DYNC1H1: variants seen among roughly 807,000 people sequenced by gnomAD.
DYNC1H1 encodes dynein cytoplasmic 1 heavy chain 1, also known as cytoplasmic dynein 1 heavy chain 1.
Under a neutral mutation model 527.1 loss-of-function variants are expected in DYNC1H1, and 51 were observed. The observed-to-expected ratio is 0.10, with a 90% CI of 0.08 to 0.12. DYNC1H1 has a LOEUF of 0.12. Ranked by LOEUF, DYNC1H1 falls within the 10% of genes least tolerant of loss-of-function variation. The pLI, the probability that DYNC1H1 is intolerant of heterozygous loss-of-function variation, is 1.00. For synonymous variants in DYNC1H1, 2,189 were observed against 2,278.8 expected (o/e 0.96, Z 1.12); for missense variants, 2,771 against 5,971.8 (o/e 0.46, Z 17.66).
intron 1 of DYNC1H1, among the ~76,000 whole-genome samples, chr14:101,966,791 C>T (rs1270974697): frequency 6.6e-6 from 1 of 151,834 alleles, no homozygotes; most frequent in African/African-American, 2.4e-5. Context: ...TCGCTTTTTC[C>T]AGGCATCTTA....
At chr14:101,971,679 T>C (rs748494772) in intron 1 of DYNC1H1, among the ~76,000 whole-genome samples, 3 of 152,136 alleles carry the variant, frequency 2.0e-5, no homozygotes, top group Non-Finnish European at 4.4e-5. Flanking sequence ...TGAGCTGTGA[T>C]TGCACCACTG....
chr14:102,048,383 C>T, intron 73 of DYNC1H1, 133 bp from the exon 74 acceptor site: 1 of 1,275,182 alleles, frequency 7.8e-7, no homozygotes, highest in Non-Finnish European at 1.1e-6. Context: ...CACGCTCTGC[C>T]AAAGCTGTCC....
Position 102,027,095 on chromosome 14 carries a change from C to T in DYNC1H1, c.8772-79C>T. 1 of 1,439,172 alleles carries T rather than the reference C, an allele frequency of 6.9e-7. No individual in the cohort carries two copies. The highest frequency in any genetic ancestry group is 9.8e-7 in the Non-Finnish European group (1 of 1,021,362). 89.2% of individuals were successfully genotyped at this position (1,439,172 alleles called of 1,614,324 possible). A position where few individuals can be genotyped will look rare whatever the true frequency, so the allele number is the denominator to read the frequency against. ...TTCAAGTTAAAACATGTCCAAAATACTGTAGACACTAGATATGAGTCAAAA... is the reference window on the plus strand; with the variant it reads ...TTCAAGTTAAAACATGTCCAAAATATTGTAGACACTAGATATGAGTCAAAA... On this transcript the variant is annotated intron_variant, in intron 44 of 77. Coordinates refer to ENST00000360184, the MANE Select transcript of DYNC1H1 (RefSeq NM_001376.5). This position sits in a 1 kb window ranked among gnomAD's most constrained non-coding sequence, Gnocchi z 7.7.
chr14:102,005,273 A>T lies in DYNC1H1; in HGVS notation c.5433+37A>T, dbSNP rs767618015. On this transcript the variant is annotated intron_variant, in intron 26 of 77. Transcript: ENST00000360184. This position sits in a 1 kb window ranked among gnomAD's most constrained non-coding sequence, Gnocchi z 4.0. ...ACCTGACTCCTTCCTTACCAGTTAGACTCTTACACCCTCAACCACACAGTT... is the reference window on the plus strand; with the variant it reads ...ACCTGACTCCTTCCTTACCAGTTAGTCTCTTACACCCTCAACCACACAGTT... 1 of 1,611,674 alleles carries T rather than the reference A, an allele frequency of 6.2e-7. No homozygotes were observed. Among genetic ancestry groups the T allele is most frequent in the South Asian group, 1.1e-5 (1 of 91,034 alleles).
chr14:101,964,593 A>G lies in DYNC1H1; in HGVS notation c.-99A>G. 1 of 1,525,472 alleles carries G rather than the reference A, an allele frequency of 6.6e-7. No homozygotes were observed. The highest frequency in any genetic ancestry group is 1.2e-5 in the South Asian group (1 of 83,092). 94.5% of individuals were successfully genotyped at this position (1,525,472 alleles called of 1,614,324 possible). ...TCCTCAGTCTGCGGTGGGCTAGCGG[A>G]CGGTCCGGCTTCCGGCGGCCGTTTC... On this transcript the variant is annotated 5_prime_UTR_variant, in exon 1 of 78. Coordinates refer to ENST00000360184, the MANE Select transcript of DYNC1H1 (RefSeq NM_001376.5). This position sits in a 1 kb window ranked among gnomAD's most constrained non-coding sequence, Gnocchi z 5.5.
At position 102,017,428 on chromosome 14, in the gene DYNC1H1, G is replaced by T. The variant is rs776652737; in HGVS notation, c.8101G>T (p.Val2701Leu). 6.2e-7 allele frequency: 1 copy of T among 1,614,166 alleles called. No homozygotes were observed. The highest frequency in any genetic ancestry group is 8.5e-7 in the Non-Finnish European group (1 of 1,180,030). The change falls in exon 40 of 78, where the codon GTG (valine) becomes TTG (leucine). Residue 2701 changes from valine (V) to leucine (L), a missense_variant. Coordinates refer to ENST00000360184, the MANE Select transcript of DYNC1H1 (RefSeq NM_001376.5). The surrounding 1 kb of genome is among the most constrained non-coding windows in gnomAD (Gnocchi z 4.6). Reference sequence around the variant, plus strand: ...TTACCGTACCTCAGATCAAACATGGGTGAAGCTGGAGAGAATCCAGTTTGT... The same window carrying T: ...TTACCGTACCTCAGATCAAACATGGTTGAAGCTGGAGAGAATCCAGTTTGT... ...GFYRTSDQTW[V>L]KLERIQFVGA...
rs370625764 is a variant in DYNC1H1, at chr14:102,016,480, C to T, written c.7605C>T (p.Ile2535=). 1.4e-5 allele frequency: 23 copies of T among 1,613,996 alleles called. No individual in the cohort carries two copies. Among genetic ancestry groups the T allele is most frequent in the South Asian group, 1.3e-4 (12 of 91,078 alleles). ...PLPTAPNIPI[I]DYEVSISGEW... ...CCACTGCGCCCAACATACCCATTAT[C>T]GATTATGAGGTGAGCATGCAGCTAC... Residue 2535 remains isoleucine (I), a synonymous_variant, in exon 37 of 78, where the codon ATC becomes ATT. Coordinates refer to ENST00000360184, the MANE Select transcript of DYNC1H1 (RefSeq NM_001376.5). The surrounding 1 kb of genome is among the most constrained non-coding windows in gnomAD (Gnocchi z 7.3).
Position 102,029,597 on chromosome 14 carries a change from A to G in DYNC1H1, c.9527A>G (p.Tyr3176Cys). 6.2e-7 allele frequency: 1 copy of G among 1,614,190 alleles called. No individual in the cohort carries two copies. Among genetic ancestry groups the G allele is most frequent in the Non-Finnish European group, 8.5e-7 (1 of 1,180,040 alleles). Residue 3176 changes from tyrosine to cysteine, a missense_variant, in exon 49 of 78, where the codon TAC becomes TGC. Transcript: ENST00000360184. The surrounding 1 kb of genome is among the most constrained non-coding windows in gnomAD (Gnocchi z 5.3). ...GRTMAITPRH[Y>C]LDFINHYANL... is the part of the protein sequence containing the mutation. ...ACGATGGCCATCACCCCTCGCCACT[A>G]CCTGGACTTCATCAATCACTATGCC...
chr14:101,987,192 A>AGGAAGTAACACAGAGCACGTTTACTTCC (rs1488986537), intron 8 of DYNC1H1, among the ~76,000 whole-genome samples: 1 of 152,194 alleles, frequency 6.6e-6, no homozygotes, highest in Non-Finnish European at 1.5e-5. Flanking sequence ...CTTCTCCCAG[A>AGGAAGTAACACAGAGCACGTTTACTTCC]TTTACCCATC....
At chr14:101,971,068 G>A (rs2047732174) in intron 1 of DYNC1H1, among the ~76,000 whole-genome samples, 1 of 148,718 alleles carries the variant, frequency 6.7e-6, no homozygotes, top group Admixed American at 6.7e-5. Context: ...GTCTACTCAG[G>A]AGAGGGCCGT....
intron 56 of DYNC1H1, 40 bp downstream of exon 56, chr14:102,034,492 TGG>T: frequency 6.2e-7 from 1 of 1,611,964 alleles, no homozygotes; most frequent in Non-Finnish European, 8.5e-7. Flanking sequence ...GGGAGGAATG[TGG>T]GTGGTGATCT....
rs527503979 is a variant in DYNC1H1 at position 102,001,817 on chromosome 14, G to C, written c.4542+136G>C. The C allele has an allele frequency of 4.6e-5, 58 of 1,256,038 alleles. No homozygotes were observed. The African/African-American group carries it at 5.8e-4, about 13-fold the overall frequency. The allele number at this position is 1,256,038 out of a possible 1,614,324, so 77.8% of individuals were successfully genotyped here. Reference sequence around the variant, plus strand: ...GACAGGGTCTCACTCTGTCTCCCACGCTGGAGTGCAGTGGCACCATCACAG... The same window carrying C: ...GACAGGGTCTCACTCTGTCTCCCACCCTGGAGTGCAGTGGCACCATCACAG... On this transcript the variant is annotated intron_variant, in intron 21 of 77. Transcript: ENST00000360184. The surrounding 1 kb of genome is among the most constrained non-coding windows in gnomAD (Gnocchi z 5.0).
At position 101,964,582 on chromosome 14, in the gene DYNC1H1, T is replaced by C; in HGVS notation, c.-110T>C. 1 of 1,519,810 alleles carries C rather than the reference T, an allele frequency of 6.6e-7. No individual in the cohort carries two copies. Among genetic ancestry groups the C allele is most frequent in the East Asian group, 2.5e-5 (1 of 40,346 alleles). The allele number at this position is 1,519,810 out of a possible 1,614,324, so 94.1% of individuals were successfully genotyped here. ...GGCTCCCGCTCTCCTCAGTCTGCGGTGGGCTAGCGGACGGTCCGGCTTCCG... is the reference window on the plus strand; with the variant it reads ...GGCTCCCGCTCTCCTCAGTCTGCGGCGGGCTAGCGGACGGTCCGGCTTCCG... On this transcript the variant is annotated 5_prime_UTR_variant, in exon 1 of 78. Transcript: ENST00000360184. The surrounding 1 kb of genome is among the most constrained non-coding windows in gnomAD (Gnocchi z 5.5).
chr14:102,035,177 C>G (rs2048558845), intron 56 of DYNC1H1: 1 of 153,858 alleles, frequency 6.5e-6, no homozygotes. Context: ...TTGCAGCAAG[C>G]CAAGATGGTG....
At chr14:102,043,603 G>T (rs1389536920) in intron 69 of DYNC1H1, 2 of 502,700 alleles carry the variant, frequency 4.0e-6, no homozygotes, top group Non-Finnish European at 7.2e-6. Flanking sequence ...GTTCTATTTT[G>T]TGCCACATTC....
Position 102,001,711 on chromosome 14 carries a change from C to A in DYNC1H1, c.4542+30C>A, listed in dbSNP as rs1375964617. Reference sequence around the variant, plus strand: ...TGTTGCTGGGGAAGCTTTCCCTCCCCACCAGTGGTCTCCCACGCTTTCACT... The same window carrying A: ...TGTTGCTGGGGAAGCTTTCCCTCCCAACCAGTGGTCTCCCACGCTTTCACT... On this transcript the variant is annotated intron_variant, in intron 21 of 77. Transcript: ENST00000360184. The surrounding 1 kb of genome is among the most constrained non-coding windows in gnomAD (Gnocchi z 5.0). 1 of 1,613,412 alleles carries A rather than the reference C, an allele frequency of 6.2e-7. No individual in the cohort carries two copies.
Position 101,964,943 on chromosome 14 carries a change from C to A in DYNC1H1, c.252C>A (p.Leu84=). The change falls in exon 1 of 78, where the codon CTC becomes CTA. Residue 84 remains leucine (L), a synonymous_variant. Coordinates refer to ENST00000360184, the MANE Select transcript of DYNC1H1 (RefSeq NM_001376.5). The surrounding 1 kb of genome is among the most constrained non-coding windows in gnomAD (Gnocchi z 5.5). ...VHTVLVERST[L]KEDVGDEGEE... is the part of the protein sequence containing the mutation. The stretch of plus-strand genomic sequence containing the variant: ...CGGTGCTGGTGGAGCGCTCCACGCT[C>A]AAAGGTGCGGGGCCGCGGAGGGCAG... The A allele has an allele frequency of 6.3e-7, 1 of 1,596,420 alleles. No homozygotes were observed. The highest frequency in any genetic ancestry group is 1.7e-5 in the Admixed American group (1 of 57,696).
At position 102,002,653 on chromosome 14, in the gene DYNC1H1, C is replaced by T. The variant is rs750945941; in HGVS notation, c.4659C>T (p.Gly1553=). Residue 1553 remains glycine, a synonymous_variant, in exon 22 of 78, where the codon GGC becomes GGT. Transcript: ENST00000360184. This position sits in a 1 kb window ranked among gnomAD's most constrained non-coding sequence, Gnocchi z 4.4. The part of the protein sequence containing the change: ...RWVYLEGIFT[G]SADIKHLLPV... ...TCTACCTGGAAGGTATCTTCACAGG[C>T]AGTGCAGATATCAAGCACCTGCTGC... is the stretch of plus-strand genomic sequence containing the variant. 3.1e-6 allele frequency: 5 copies of T among 1,614,200 alleles called. No homozygotes were observed. In the South Asian group the frequency reaches 3.3e-5, roughly 11 times the overall value.
rs2048631194 is a variant in DYNC1H1, at chr14:102,040,262, A to G, written c.11717A>G (p.Gln3906Arg). The change falls in exon 63 of 78, where the codon CAG (glutamine) becomes CGG (arginine). Residue 3906 changes from glutamine to arginine, a missense_variant. Transcript: ENST00000360184. ...VGEPTYDAEF[Q>R]HFLRGNEIVL... ...GAGCCCACCTACGATGCAGAATTCC[A>G]GCACTTCTTGAGAGGAAATGAGATT... is the stretch of plus-strand genomic sequence containing the variant. The G allele has an allele frequency of 3.7e-6, 6 of 1,614,188 alleles. No homozygotes were observed. The highest frequency in any genetic ancestry group is 5.1e-6 in the Non-Finnish European group (6 of 1,180,042).
Sources: gnomAD v4.1 joint callset for allele counts (sites outside exome capture counted in the v4.1 genomes callset) on GRCh38, gnomAD v4.1.1 for gene constraint, Gnocchi (gnomAD v3.1) non-coding constraint, MANE v1.5 for transcripts, NCBI Gene and HGNC (gene_info 2026-07-23, HGNC 2026-07-21) for gene names.